Variants in TMEM132C observed in about 807,000 individuals in gnomAD.
The protein encoded by TMEM132C is transmembrane protein 132C.
Under a neutral mutation model 61.4 loss-of-function variants are expected in TMEM132C, and 29 were observed. The observed-to-expected ratio is 0.47, with a 90% CI of 0.35 to 0.64. The LOEUF is 0.64. TMEM132C is among the 30% of genes least tolerant of loss of function. TMEM132C has a pLI of 0.00. For missense variants in TMEM132C, 1,408 were observed against 1,476.9 expected (o/e 0.95, Z 0.76); for synonymous variants, 656 against 633.1 (o/e 1.04, Z -0.54).
intron 3 of TMEM132C, among the ~76,000 whole-genome samples, chr12:128,566,328 T>A (rs762277254): frequency 8.6e-5 from 13 of 151,268 alleles, no homozygotes; most frequent in African/African-American, 1.5e-4. Flanking sequence ...AGAAAAAAAA[T>A]GATTGACATT....
At chr12:128,549,859 G>A (rs747999364) in intron 3 of TMEM132C, among the ~76,000 whole-genome samples, 3 of 151,396 alleles carry the variant, frequency 2.0e-5, no homozygotes, top group Non-Finnish European at 2.9e-5. Context: ...TTTGCATGGG[G>A]GGAACCGAGA....
At chr12:128,348,879 T>A (rs11059657) in intron 1 of TMEM132C, among the ~76,000 whole-genome samples, 14,106 of 152,304 alleles carry the variant, frequency 0.093, 930 homozygotes, top group South Asian at 0.2. Flanking sequence ...CTGAAGAGGA[T>A]GTGTCACTGA....
intron 3 of TMEM132C, among the ~76,000 whole-genome samples, chr12:128,607,688 TC>T (rs1195261706): frequency 6.6e-6 from 1 of 152,232 alleles, no homozygotes; most frequent in African/African-American, 2.4e-5. Context: ...CTGTGTTTAC[TC>T]CTCACATGAC....
At chr12:128,628,287 A>C (rs1266326887) in intron 4 of TMEM132C, among the ~76,000 whole-genome samples, 2 of 152,062 alleles carry the variant, frequency 1.3e-5, no homozygotes, top group Non-Finnish European at 2.9e-5. Flanking sequence ...CTTTTTTAAA[A>C]AGTGCAATGT....
At position 128,360,244 on chromosome 12, in the gene TMEM132C, C is replaced by CAA. The variant is rs1565912267; in HGVS notation, c.86-54488_86-54487insAA. Among the ~76,000 whole-genome samples, 39 of 66,656 alleles carry CAA rather than the reference C, an allele frequency of 5.9e-4. 3 individuals carry two copies. Among genetic ancestry groups the CAA allele is most frequent in the Non-Finnish European group, 1.9e-4 (6 of 31,674 alleles). The allele number at this position is 66,656 out of a possible 152,430, so 43.7% of individuals were successfully genotyped here. A position where few individuals can be genotyped will look rare whatever the true frequency, so the allele number is the denominator to read the frequency against. On this transcript the variant is annotated intron_variant, in intron 1 of 8. Transcript: ENST00000435159. The stretch of plus-strand genomic sequence containing the variant: ...GTAACAATGTTAGATTGATAAAGGA[C>CAA]GACACACACACACACACACACACAC...
chr12:128,489,265 T>G (rs187806375), intron 2 of TMEM132C, among the ~76,000 whole-genome samples: 7 of 152,158 alleles, frequency 4.6e-5, no homozygotes, highest in Non-Finnish European at 1.0e-4. Context: ...CTAAGCGGTG[T>G]TACAGATGAT....
rs1425371789 is a variant in TMEM132C at position 128,278,314 on chromosome 12, T to G, written c.85+10827T>G. Among the ~76,000 whole-genome samples the G allele has an allele frequency of 1.3e-5, 2 of 152,212 alleles. No homozygotes were observed. Among genetic ancestry groups the G allele is most frequent in the Non-Finnish European group, 2.9e-5 (2 of 68,042 alleles). On this transcript the variant is annotated intron_variant, in intron 1 of 8. Coordinates refer to ENST00000435159, the MANE Select transcript of TMEM132C (RefSeq NM_001136103.3). The surrounding 1 kb of genome is among the most constrained non-coding windows in gnomAD (Gnocchi z 4.2). ...ACGACACAGCCCCGGGTTACCATTT[T>G]CTTTATTTTCCACTGTTTAATTGTA...
At chr12:128,641,157 TC>T (rs1476158910) in intron 4 of TMEM132C, among the ~76,000 whole-genome samples, 11 of 152,012 alleles carry the variant, frequency 7.2e-5, no homozygotes, top group African/African-American at 1.9e-4. Flanking sequence ...TTCACACAAC[TC>T]CCCAGGCCTC....
chr12:128,427,428 G>GTGTGTATATATA (rs1359402190), intron 2 of TMEM132C, among the ~76,000 whole-genome samples: 12 of 129,194 alleles, frequency 9.3e-5, no homozygotes, highest in Non-Finnish European at 2.0e-4. Context: ...GTGTGTGTGT[G>GTGTGTATATATA]TATATATATT....
At chr12:128,583,148 A>G (rs1188462819) in intron 3 of TMEM132C, among the ~76,000 whole-genome samples, 1 of 152,230 alleles carries the variant, frequency 6.6e-6, no homozygotes, top group Non-Finnish European at 1.5e-5. Context: ...AATTAAATCA[A>G]TATATATCAT....
intron 2 of TMEM132C, among the ~76,000 whole-genome samples, chr12:128,476,831 A>AT (rs76463986): frequency 0.24 from 36,644 of 152,030 alleles, 5,600 homozygotes; most frequent in African/African-American, 0.43. Context: ...GCAGCATTTG[A>AT]TTTTATATTT....
chr12:128,544,162 G>T (rs1873864265), intron 3 of TMEM132C, 59 bp downstream of exon 3: 1 of 1,452,966 alleles, frequency 6.9e-7, no homozygotes, highest in South Asian at 1.5e-5. Context: ...CAGGCCGGCT[G>T]GTGCGTAAGA....
intron 4 of TMEM132C, among the ~76,000 whole-genome samples, chr12:128,665,286 C>G (rs991291043): frequency 7.3e-6 from 1 of 136,076 alleles, no homozygotes; most frequent in South Asian, 2.1e-4. Flanking sequence ...CACGCACACA[C>G]AGGCACTCAC....
At chr12:128,613,857 G>C (rs1008989283) in intron 3 of TMEM132C, among the ~76,000 whole-genome samples, 1 of 152,240 alleles carries the variant, frequency 6.6e-6, no homozygotes, top group African/African-American at 2.4e-5. Context: ...GTGTTTCACT[G>C]CTACTCTTCA....
chr12:128,395,441 A>G (rs1874916420), intron 1 of TMEM132C, among the ~76,000 whole-genome samples: 1 of 152,220 alleles, frequency 6.6e-6, no homozygotes, highest in Non-Finnish European at 1.5e-5. Context: ...AGTTAAAAAC[A>G]CAGATGCTTC....
chr12:128,659,554 C>T (rs1483060792), intron 4 of TMEM132C, among the ~76,000 whole-genome samples: 3 of 152,190 alleles, frequency 2.0e-5, no homozygotes, highest in South Asian at 2.1e-4. Context: ...GACGTCTGTA[C>T]GTGTGGAGGG....
intron 2 of TMEM132C, among the ~76,000 whole-genome samples, chr12:128,514,538 G>C (rs1255172046): frequency 2.0e-5 from 3 of 152,042 alleles, no homozygotes; most frequent in Non-Finnish European, 4.4e-5. Flanking sequence ...GGGTGCGGGG[G>C]CGACGCAATT....
intron 1 of TMEM132C, among the ~76,000 whole-genome samples, chr12:128,338,502 G>C (rs1872851652): frequency 6.6e-6 from 1 of 152,068 alleles, no homozygotes; most frequent in Non-Finnish European, 1.5e-5. Flanking sequence ...GAAGCCTCAT[G>C]GGGTGGGATC....
intron 1 of TMEM132C, among the ~76,000 whole-genome samples, chr12:128,396,455 G>A (rs1000071231): frequency 2.2e-5 from 3 of 139,094 alleles, no homozygotes; most frequent in African/African-American, 5.9e-5. Context: ...CCTAGTGCAC[G>A]CGGGGCCTAA....
Sources: gnomAD v4.1 joint callset for allele counts (sites outside exome capture counted in the v4.1 genomes callset) on GRCh38, gnomAD v4.1.1 for gene constraint, Gnocchi (gnomAD v3.1) non-coding constraint, MANE v1.5 for transcripts, NCBI Gene and HGNC (gene_info 2026-07-23, HGNC 2026-07-21) for gene names.